Variants in STT3B observed in about 807,000 individuals in gnomAD.
The protein encoded by STT3B is STT3 oligosaccharyltransferase complex catalytic subunit B.
In STT3B, 29 loss-of-function variants were observed where a neutral mutation model predicts 96.8. That is an observed-to-expected ratio of 0.30 (90% CI 0.22 to 0.41). The LOEUF is 0.41. STT3B is among the 10% of genes least tolerant of loss of function. STT3B has a pLI of 1.00. For missense variants in STT3B, 640 were observed against 1,022.3 expected (o/e 0.63, Z 5.10); for synonymous variants, 367 against 360.0 (o/e 1.02, Z -0.22).
intron 1 of STT3B, among the ~76,000 whole-genome samples, chr3:31,548,957 A>T (rs1426909176): frequency 1.3e-5 from 2 of 152,194 alleles, no homozygotes; most frequent in South Asian, 4.1e-4. Context: ...ACCATGTTAC[A>T]GTCTTAAGAA....
At chr3:31,626,545 G>C (rs935486233) in intron 13 of STT3B, among the ~76,000 whole-genome samples, 5 of 152,064 alleles carry the variant, frequency 3.3e-5, no homozygotes, top group Admixed American at 1.3e-4. Flanking sequence ...TTACTTTTAG[G>C]CTCAAAAGAC....
rs1699676966 is a variant in STT3B at position 31,632,193 on chromosome 3, GT to G, written c.2188-738del. On this transcript the variant is annotated intron_variant, in intron 14 of 15. Coordinates refer to ENST00000295770, the MANE Select transcript of STT3B (RefSeq NM_178862.3). ...TCTTAAAGTCTCCTTCTCTCCCTAT[GT>G]TTTCCCTTTTTATCCCTCATAAATC... is the stretch of plus-strand genomic sequence containing the variant. Among the ~76,000 whole-genome samples, 3 of 152,068 alleles carry G rather than the reference GT, an allele frequency of 2.0e-5. No individual in the cohort carries two copies. In the South Asian group the frequency reaches 6.2e-4, roughly 31 times the overall value.
chr3:31,564,105 C>T (rs1697944028), intron 1 of STT3B, among the ~76,000 whole-genome samples: 2 of 152,070 alleles, frequency 1.3e-5, no homozygotes, highest in South Asian at 4.1e-4. Context: ...ACCAGTTACA[C>T]TATTTTAGTG....
chr3:31,624,775 C>A, intron 11 of STT3B, 139 bp from the exon 12 acceptor site: 9 of 421,342 alleles, frequency 2.1e-5, no homozygotes, highest in East Asian at 4.0e-5. Context: ...TTTTTTTTTT[C>A]TCATTGGTAG....
At chr3:31,580,607 A>G (rs1469755962) in intron 3 of STT3B, among the ~76,000 whole-genome samples, 2 of 152,246 alleles carry the variant, frequency 1.3e-5, no homozygotes, top group Non-Finnish European at 1.5e-5. Context: ...GAAATTACCA[A>G]AATTTGTGTG....
Position 31,617,018 on chromosome 3 carries a change from G to C in STT3B, c.1066G>C (p.Gly356Arg), listed in dbSNP as rs757997959. The C allele has an allele frequency of 6.2e-7, 1 of 1,611,498 alleles. No individual in the cohort carries two copies. The highest frequency in any genetic ancestry group is 1.7e-4 in the Middle Eastern group (1 of 6,052). ...KQEFQTLFFLGVSLAAGAVFL... is the reference protein window; with the variant it reads ...KQEFQTLFFLRVSLAAGAVFL... Reference sequence around the variant, plus strand: ...AGAGTTCCAGACCCTTTTCTTTTTGGGTGTATCACTAGCTGCAGGTGCTGT... The same window carrying C: ...AGAGTTCCAGACCCTTTTCTTTTTGCGTGTATCACTAGCTGCAGGTGCTGT... The change falls in exon 7 of 16, where the codon GGT becomes CGT. Residue 356 changes from glycine (G) to arginine (R), a missense_variant. Around this residue, in one of 8 missense-constraint regions of STT3B, gnomAD observed 267 missense variants for 388.3 expected, o/e 0.69. Transcript: ENST00000295770.
chr3:31,618,985 C>T (rs1699372914), intron 8 of STT3B, among the ~76,000 whole-genome samples: 5 of 151,790 alleles, frequency 3.3e-5, no homozygotes, highest in Admixed American at 2.6e-4. Flanking sequence ...AATTAATTGA[C>T]TACTTTAGAA....
At chr3:31,608,001 G>C (rs984892548) in intron 5 of STT3B, among the ~76,000 whole-genome samples, 1 of 152,186 alleles carries the variant, frequency 6.6e-6, no homozygotes, top group African/African-American at 2.4e-5. Context: ...AAGTAGTTTT[G>C]ATGGTTTTGA....
At chr3:31,572,016 ATAT>A (rs1221619574) in intron 1 of STT3B, among the ~76,000 whole-genome samples, 9 of 33,388 alleles carry the variant, frequency 2.7e-4, no homozygotes, top group Non-Finnish European at 1.5e-3. Flanking sequence ...TTTATTAAAC[ATAT>A]TAATATATAT....
chr3:31,590,275 AT>A (rs199727629), intron 3 of STT3B, among the ~76,000 whole-genome samples: 1 of 149,736 alleles, frequency 6.7e-6, no homozygotes, highest in Admixed American at 6.7e-5. Flanking sequence ...GGTTTCACTG[AT>A]TTTTTTTTCC....
At chr3:31,618,223 G>T (rs1699351856) in intron 8 of STT3B, among the ~76,000 whole-genome samples, 1 of 151,896 alleles carries the variant, frequency 6.6e-6, no homozygotes, top group African/African-American at 2.4e-5. Context: ...GCAACTCCTT[G>T]TTTCCGTTTT....
intron 1 of STT3B, among the ~76,000 whole-genome samples, chr3:31,566,617 T>C (rs1698013569): frequency 6.6e-6 from 1 of 152,196 alleles, no homozygotes; most frequent in African/African-American, 2.4e-5. Context: ...GGACAGCTCT[T>C]TAACTCTTTG....
Position 31,622,113 on chromosome 3 carries a change from C to A in STT3B, c.1344C>A (p.Ile448=). 1 of 1,613,820 alleles carries A rather than the reference C, an allele frequency of 6.2e-7. No homozygotes were observed. The highest frequency in any genetic ancestry group is 8.5e-7 in the Non-Finnish European group (1 of 1,179,740). The change falls in exon 10 of 16, where the codon ATC becomes ATA. Residue 448 remains isoleucine (I), a synonymous_variant. Coordinates refer to ENST00000295770, the MANE Select transcript of STT3B (RefSeq NM_178862.3). The stretch of plus-strand genomic sequence containing the variant: ...TCTTTGCAGTTGCTCTATATGCAAT[C>A]AGTGCTGTCTACTTTGCTGGAGTGA... ...DERVFVALYA[I]SAVYFAGVMV... is the part of the protein sequence containing the mutation.
intron 1 of STT3B, among the ~76,000 whole-genome samples, chr3:31,542,887 T>C (rs1401631371): frequency 6.6e-6 from 1 of 151,936 alleles, no homozygotes; most frequent in Non-Finnish European, 1.5e-5. Context: ...GCCAACATGG[T>C]GAAACCCTGT....
intron 6 of STT3B, 122 bp from the exon 7 acceptor site, chr3:31,616,807 A>G: frequency 2.7e-6 from 2 of 753,168 alleles, no homozygotes; most frequent in South Asian, 3.5e-5. Context: ...TGTTGGCTAG[A>G]TGAAATAAGT....
At chr3:31,631,772 C>G (rs1389798194) in intron 14 of STT3B, among the ~76,000 whole-genome samples, 1 of 151,674 alleles carries the variant, frequency 6.6e-6, no homozygotes, top group Non-Finnish European at 1.5e-5. Flanking sequence ...ATGGCGAAAC[C>G]CAGTCTCTGT....
At chr3:31,539,402 A>C (rs1196661838) in intron 1 of STT3B, among the ~76,000 whole-genome samples, 1 of 152,184 alleles carries the variant, frequency 6.6e-6, no homozygotes, top group Non-Finnish European at 1.5e-5. Flanking sequence ...GAGATGAGGT[A>C]ACATCTTTTA....
At chr3:31,537,225 G>A (rs919517147) in intron 1 of STT3B, among the ~76,000 whole-genome samples, 5 of 152,170 alleles carry the variant, frequency 3.3e-5, no homozygotes, top group African/African-American at 1.2e-4. Context: ...ATAAACCTTT[G>A]GAACATAAGC....
At chr3:31,578,571 C>T (rs530371270) in intron 2 of STT3B, among the ~76,000 whole-genome samples, 1 of 151,098 alleles carries the variant, frequency 6.6e-6, no homozygotes, top group South Asian at 2.1e-4. Flanking sequence ...TTTTTTTCCC[C>T]CCCAGTATTG....
Sources: gnomAD v4.1 joint callset for allele counts (sites outside exome capture counted in the v4.1 genomes callset) on GRCh38, gnomAD v4.1.1 for gene constraint, gnomAD v4.1.1 regional missense constraint, MANE v1.5 for transcripts, NCBI Gene and HGNC (gene_info 2026-07-23, HGNC 2026-07-21) for gene names.